Variants in MEMO1 observed in about 807,000 individuals in gnomAD.
MEMO1 encodes mediator of cell motility 1.
In MEMO1, 6 loss-of-function variants were observed where a neutral mutation model predicts 45.2. That is an observed-to-expected ratio of 0.13 (90% CI 0.07 to 0.26). MEMO1 has a LOEUF of 0.26. MEMO1 is among the 10% of genes least tolerant of loss of function. The pLI is 1.00. For synonymous variants in MEMO1, 78 were observed against 124.3 expected, an observed-to-expected ratio of 0.63 and a Z score of 2.48; for missense variants, 184 against 370.5, an observed-to-expected ratio of 0.50 and a Z score of 4.13.
At chr2:32,000,454 T>A (rs975902001) in intron 2 of MEMO1, among the ~76,000 whole-genome samples, 2 of 151,638 alleles carry the variant, frequency 1.3e-5, no homozygotes, top group Non-Finnish European at 2.9e-5. Flanking sequence ...ATGGTCTCGA[T>A]CTCCTGACCT....
chr2:31,898,894 C>T (rs1678309732), intron 6 of MEMO1, among the ~76,000 whole-genome samples: 1 of 152,110 alleles, frequency 6.6e-6, no homozygotes, highest in East Asian at 1.9e-4. Context: ...TCTGGGTGCT[C>T]CTGTATTGGG....
chr2:31,900,948 C>G (rs900062529), intron 6 of MEMO1, among the ~76,000 whole-genome samples: 1 of 151,980 alleles, frequency 6.6e-6, no homozygotes, highest in Non-Finnish European at 1.5e-5. Flanking sequence ...TTTCCTTTGA[C>G]ATAAAAATGT....
chr2:31,894,301 A>T (rs946723072), intron 6 of MEMO1, among the ~76,000 whole-genome samples: 1 of 152,214 alleles, frequency 6.6e-6, no homozygotes, highest in Non-Finnish European at 1.5e-5. Flanking sequence ...CCACTGAGGT[A>T]TAAGTTCCAT....
intron 2 of MEMO1, among the ~76,000 whole-genome samples, chr2:31,974,608 G>A (rs188253165): frequency 1.3e-5 from 2 of 152,204 alleles, no homozygotes; most frequent in Non-Finnish European, 2.9e-5. Flanking sequence ...AGCCGGGCAT[G>A]GTTGTATGCA....
intron 3 of MEMO1, among the ~76,000 whole-genome samples, chr2:31,934,189 C>T (rs182830097): frequency 5.3e-5 from 8 of 152,314 alleles, no homozygotes; most frequent in East Asian, 3.9e-4. Flanking sequence ...ACCATCCCTT[C>T]ACTTCCTAAT....
intron 2 of MEMO1, among the ~76,000 whole-genome samples, chr2:31,979,104 G>A (rs981258141): frequency 6.6e-6 from 1 of 152,134 alleles, no homozygotes; most frequent in Non-Finnish European, 1.5e-5. Context: ...GGGAAGCAAG[G>A]ACCTTCTTCA....
chr2:31,922,062 A>G (rs1430576872), intron 4 of MEMO1, among the ~76,000 whole-genome samples: 3 of 152,050 alleles, frequency 2.0e-5, no homozygotes, highest in African/African-American at 7.2e-5. Context: ...ATCACATACA[A>G]AACTTACAGA....
Position 31,943,339 on chromosome 2 carries a change from G to C in MEMO1, c.106C>G (p.Gln36Glu). 1 of 1,613,858 alleles carries C rather than the reference G, an allele frequency of 6.2e-7. No individual in the cohort carries two copies. The highest frequency in any genetic ancestry group is 1.1e-5 in the South Asian group (1 of 91,080). Residue 36 changes from glutamine to glutamate, a missense_variant, in exon 3 of 10, where the codon CAG (glutamine) becomes GAG (glutamate). Gln to Glu is a conservative substitution (Grantham distance 29, BLOSUM62 2). Around this residue, in one of 3 missense-constraint regions of MEMO1, gnomAD observed 27 missense variants for 82.1 expected, o/e 0.33. Transcript: ENST00000404530. ...AQLEGWLSQV[Q>E]STKRPARAII... ...GCTCTAGCAGGTCTTTTTGTAGACTGTACTTGTGAAAGCCAACCTTCTAGC... is the reference window on the plus strand; with the variant it reads ...GCTCTAGCAGGTCTTTTTGTAGACTCTACTTGTGAAAGCCAACCTTCTAGC...
At chr2:31,968,809 T>C (rs556493325) in intron 2 of MEMO1, among the ~76,000 whole-genome samples, 2 of 152,164 alleles carry the variant, frequency 1.3e-5, no homozygotes, top group South Asian at 4.1e-4. Context: ...ATCACAGAAT[T>C]TTAGATAGTA....
At chr2:31,933,454 T>C (rs1664547925) in intron 3 of MEMO1, among the ~76,000 whole-genome samples, 1 of 141,570 alleles carries the variant, frequency 7.1e-6, no homozygotes. Flanking sequence ...ACAAGGAAAC[T>C]TTTGAGGGTG....
intron 2 of MEMO1, chr2:31,963,104 C>T (rs1668214986): frequency 7.0e-7 from 1 of 1,424,990 alleles, no homozygotes; most frequent in African/African-American, 1.4e-5. Flanking sequence ...ACCAACCCAT[C>T]CTCAGTCTCT....
intron 8 of MEMO1, 22 bp from the exon 9 acceptor site, chr2:31,869,974 A>T: frequency 7.1e-7 from 1 of 1,417,914 alleles, no homozygotes; most frequent in Non-Finnish European, 9.4e-7. Context: ...AAAAAAGAAG[A>T]GGAAGAAAAA....
chr2:31,931,519 T>C (rs1044851350), intron 4 of MEMO1, among the ~76,000 whole-genome samples: 6 of 152,072 alleles, frequency 3.9e-5, no homozygotes, highest in Middle Eastern at 3.2e-3. Flanking sequence ...CAGAGTAGTA[T>C]ACTATTAAAA....
chr2:31,871,492 CAT>C (rs3835887), intron 8 of MEMO1, among the ~76,000 whole-genome samples: 4,293 of 115,416 alleles, frequency 0.037, 52 homozygotes, highest in Middle Eastern at 0.044. Flanking sequence ...ATCAATATTC[CAT>C]ATATACACAC....
chr2:31,982,024 C>T (rs1285880706), intron 2 of MEMO1, among the ~76,000 whole-genome samples: 8 of 152,156 alleles, frequency 5.3e-5, no homozygotes, highest in Non-Finnish European at 8.8e-5. Context: ...ACTGGCCGGG[C>T]GCGGTGGCTC....
At chr2:31,880,743 T>G (rs1675236157) in intron 8 of MEMO1, among the ~76,000 whole-genome samples, 1 of 152,244 alleles carries the variant, frequency 6.6e-6, no homozygotes, top group Admixed American at 6.5e-5. Flanking sequence ...AAGTTAGAGC[T>G]GTTCTGCTAT....
At chr2:31,931,988 T>A in intron 4 of MEMO1, 79 bp downstream of exon 4, 1 of 1,232,534 alleles carries the variant, frequency 8.1e-7, no homozygotes, top group Middle Eastern at 2.7e-4. Flanking sequence ...TAACAATAAG[T>A]ATAAAAAGCA....
At chr2:31,879,904 C>A (rs892965693) in intron 8 of MEMO1, among the ~76,000 whole-genome samples, 3 of 152,100 alleles carry the variant, frequency 2.0e-5, no homozygotes, top group Non-Finnish European at 2.9e-5. Flanking sequence ...CTCTTATATT[C>A]CCTGTATTAG....
intron 2 of MEMO1, among the ~76,000 whole-genome samples, chr2:31,991,364 G>A: frequency 6.6e-6 from 1 of 152,132 alleles, no homozygotes; most frequent in Non-Finnish European, 1.5e-5. Flanking sequence ...CTGAGGTCTG[G>A]AGGTCGAGAC....
Sources: gnomAD v4.1 joint callset for allele counts (sites outside exome capture counted in the v4.1 genomes callset) on GRCh38, gnomAD v4.1.1 for gene constraint, gnomAD v4.1.1 regional missense constraint, MANE v1.5 for transcripts, NCBI Gene and HGNC (gene_info 2026-07-23, HGNC 2026-07-21) for gene names.